PROSER2: variants seen among roughly 807,000 people sequenced by gnomAD.
The protein encoded by PROSER2 is proline and serine rich 2, also known as proline and serine-rich protein 2.
PROSER2 carries 18 observed loss-of-function variants against 14.6 expected under a neutral mutation model. That is an observed-to-expected ratio of 1.23 (90% CI 0.85 to 1.83). The LOEUF (loss-of-function observed/expected upper bound fraction) is 1.83. PROSER2 is among the 40% of genes most tolerant of loss of function. PROSER2 has a pLI of 0.00. For missense variants in PROSER2, 823 were observed against 629.8 expected (o/e 1.31, Z -3.28); for synonymous variants, 367 against 286.4 (o/e 1.28, Z -2.84).
At position 11,830,188 on chromosome 10, in the gene PROSER2, C is replaced by T. The variant is rs1441944590; in HGVS notation, c.-82+6718C>T. 2.0e-5 allele frequency among the ~76,000 whole-genome samples: 3 copies of T among 152,170 alleles called. No individual in the cohort carries two copies. Among genetic ancestry groups the T allele is most frequent in the Non-Finnish European group, 2.9e-5 (2 of 68,026 alleles). Reference sequence around the variant, plus strand: ...CTCCTCTCCCCACTCCATGGACCTTCCCACCTTTTGGAGTCTCCCGTGTCC... The same window carrying T: ...CTCCTCTCCCCACTCCATGGACCTTTCCACCTTTTGGAGTCTCCCGTGTCC... On this transcript the variant is annotated intron_variant, in intron 1 of 3. Coordinates refer to ENST00000277570, the MANE Select transcript of PROSER2 (RefSeq NM_153256.4). This position sits in a 1 kb window ranked among gnomAD's most constrained non-coding sequence, Gnocchi z 4.5.
intron 1 of PROSER2, among the ~76,000 whole-genome samples, chr10:11,834,331 G>A (rs1412390579): frequency 6.6e-6 from 1 of 151,742 alleles, no homozygotes; most frequent in Non-Finnish European, 1.5e-5. Flanking sequence ...TTCAAATTGT[G>A]GAAAGGAAGG....
In PROSER2 at chr10:11,869,535, C is replaced by T. The variant is rs200125865; in HGVS notation, c.437C>T (p.Thr146Ile). 14 of 1,613,778 alleles carry T rather than the reference C, an allele frequency of 8.7e-6. No individual in the cohort carries two copies. The African/African-American group carries it at 1.3e-4, about 15-fold the overall frequency. Residue 146 changes from threonine (T) to isoleucine (I), a missense_variant, in exon 4 of 4, where the codon ACT becomes ATT. Coordinates refer to ENST00000277570, the MANE Select transcript of PROSER2 (RefSeq NM_153256.4). This position sits in a 1 kb window ranked among gnomAD's most constrained non-coding sequence, Gnocchi z 4.4. ...GKEHRKQDAE[T>I]PPPPDPPAPE... The stretch of plus-strand genomic sequence containing the variant: ...GAGCACAGGAAACAAGATGCTGAGA[C>T]TCCTCCACCTCCAGACCCCCCGGCT...
At position 11,869,293 on chromosome 10, in the gene PROSER2, G is replaced by C. The variant is rs1374295117; in HGVS notation, c.392-197G>C. On this transcript the variant is annotated intron_variant, in intron 3 of 3. Transcript: ENST00000277570. This position sits in a 1 kb window ranked among gnomAD's most constrained non-coding sequence, Gnocchi z 4.4. ...GCTATCGTGATTGTCCCTTATCAGC[G>C]TGAGGTCATGAGCATGACATACCAC... 1.7e-6 allele frequency: 1 copy of C among 604,066 alleles called. No homozygotes were observed. Among genetic ancestry groups the C allele is most frequent in the Non-Finnish European group, 3.0e-6 (1 of 337,986 alleles). The allele number at this position is 604,066 out of a possible 1,614,324, so 37.4% of individuals were successfully genotyped here. A position where few individuals can be genotyped will look rare whatever the true frequency, so the allele number is the denominator to read the frequency against.
At position 11,865,296 on chromosome 10, in the gene PROSER2, TAA is replaced by T. The variant is rs1320709041; in HGVS notation, c.139-1234_139-1233del. ...GCTGTTAGTATTTTTTATTTATTTC[TAA>T]GTCTTCTTTTGTCCTGTAAAGAAAA... On this transcript the variant is annotated intron_variant, in intron 2 of 3. Transcript: ENST00000277570. The surrounding 1 kb of genome is among the most constrained non-coding windows in gnomAD (Gnocchi z 4.2). Among the ~76,000 whole-genome samples, 1 of 152,226 alleles carries T rather than the reference TAA, an allele frequency of 6.6e-6. No individual in the cohort carries two copies. Among genetic ancestry groups the T allele is most frequent in the Admixed American group, 6.5e-5 (1 of 15,294 alleles).
Position 11,856,964 on chromosome 10 carries a change from A to C in PROSER2, c.138+4749A>C, listed in dbSNP as rs1018531704. 6.6e-6 allele frequency among the ~76,000 whole-genome samples: 1 copy of C among 152,180 alleles called. No homozygotes were observed. The highest frequency in any genetic ancestry group is 6.5e-5 in the Admixed American group (1 of 15,280). On this transcript the variant is annotated intron_variant, in intron 2 of 3. Transcript: ENST00000277570. This position sits in a 1 kb window ranked among gnomAD's most constrained non-coding sequence, Gnocchi z 5.3. ...CCCCGCCCTTTCATGCTGCCTTCTC[A>C]CCCAGCTGGAATCCAAATGGTCCTG...
chr10:11,842,752 T>TC (rs1833862271), intron 1 of PROSER2, among the ~76,000 whole-genome samples: 1 of 152,118 alleles, frequency 6.6e-6, no homozygotes, highest in South Asian at 2.1e-4. Flanking sequence ...GGTCTTTTTT[T>TC]CCACAGACTT....
chr10:11,862,030 A>T lies in PROSER2; in HGVS notation c.139-4501A>T, dbSNP rs1254611854. ...GCGTCCAACACAGACTGACAGGCCC[A>T]GCGCCTGAGAGTTTCTAATGCGGCA... is the stretch of plus-strand genomic sequence containing the variant. On this transcript the variant is annotated intron_variant, in intron 2 of 3. Coordinates refer to ENST00000277570, the MANE Select transcript of PROSER2 (RefSeq NM_153256.4). The surrounding 1 kb of genome is among the most constrained non-coding windows in gnomAD (Gnocchi z 4.2). Among the ~76,000 whole-genome samples, 1 of 152,210 alleles carries T rather than the reference A, an allele frequency of 6.6e-6. No homozygotes were observed. The highest frequency in any genetic ancestry group is 6.5e-5 in the Admixed American group (1 of 15,284).
intron 2 of PROSER2, among the ~76,000 whole-genome samples, chr10:11,854,498 A>T (rs562022759): frequency 6.6e-6 from 1 of 152,198 alleles, no homozygotes; most frequent in South Asian, 2.1e-4. Flanking sequence ...TTTTGTAGAG[A>T]TGAGGTCTTG....
chr10:11,845,647 C>A (rs369815942), intron 1 of PROSER2, among the ~76,000 whole-genome samples: 4 of 152,100 alleles, frequency 2.6e-5, no homozygotes, highest in African/African-American at 9.7e-5. Context: ...CCTAGGCCCT[C>A]GGGGAAAGGG....
At chr10:11,848,157 G>A (rs992714240) in intron 1 of PROSER2, among the ~76,000 whole-genome samples, 1 of 151,396 alleles carries the variant, frequency 6.6e-6, no homozygotes. Flanking sequence ...GTTTTGTTTT[G>A]TTTTTGTTTG....
At chr10:11,848,529 T>C (rs190782091) in intron 1 of PROSER2, among the ~76,000 whole-genome samples, 1 of 152,288 alleles carries the variant, frequency 6.6e-6, no homozygotes, top group Non-Finnish European at 1.5e-5. Flanking sequence ...TTAGCCTCAC[T>C]GCTTTCAGGG....
intron 3 of PROSER2, among the ~76,000 whole-genome samples, chr10:11,868,880 G>A (rs2131097396): frequency 1.3e-5 from 2 of 152,198 alleles, no homozygotes; most frequent in East Asian, 3.9e-4. Flanking sequence ...TGAACTTCTG[G>A]CCTCAAGTGA....
At chr10:11,832,842 A>G (rs1833705914) in intron 1 of PROSER2, among the ~76,000 whole-genome samples, 1 of 151,412 alleles carries the variant, frequency 6.6e-6, no homozygotes. Flanking sequence ...AGATGGTTTT[A>G]GAGTTTTGTT....
intron 1 of PROSER2, among the ~76,000 whole-genome samples, chr10:11,841,337 C>T (rs1833843234): frequency 6.6e-6 from 1 of 152,054 alleles, no homozygotes; most frequent in Non-Finnish European, 1.5e-5. Context: ...CATTTTTCCC[C>T]TCAGTTCTGT....
intron 1 of PROSER2, among the ~76,000 whole-genome samples, chr10:11,839,217 T>G (rs910157521): frequency 1.3e-5 from 2 of 152,120 alleles, no homozygotes; most frequent in African/African-American, 2.4e-5. Flanking sequence ...CACATTACAC[T>G]GACATAAATC....
At position 11,870,339 on chromosome 10, in the gene PROSER2, G is replaced by A. The variant is rs1306771682; in HGVS notation, c.1241G>A (p.Arg414His). The change falls in exon 4 of 4, where the codon CGC becomes CAC. Residue 414 changes from arginine (R) to histidine (H), a missense_variant. Physicochemically the swap from Arg to His is conservative, Grantham distance 29. Coordinates refer to ENST00000277570, the MANE Select transcript of PROSER2 (RefSeq NM_153256.4). ...PQGITVQFAGRGSSEEARREA... is the reference protein window; with the variant it reads ...PQGITVQFAGHGSSEEARREA... ...GGCATCACCGTGCAGTTCGCGGGCC[G>A]CGGCTCCTCGGAGGAGGCGCGCAGG... is the stretch of plus-strand genomic sequence containing the variant. 6.0e-6 allele frequency: 9 copies of A among 1,506,424 alleles called. No homozygotes were observed. The highest frequency in any genetic ancestry group is 7.1e-6 in the Non-Finnish European group (8 of 1,130,520). The allele number at this position is 1,506,424 out of a possible 1,614,324, so 93.3% of individuals were successfully genotyped here.
Position 11,866,461 on chromosome 10 carries a change from T to C in PROSER2, c.139-70T>C. ...GGCTGTGGACCAATCCCAACTTTGC[T>C]TCAGCTTTTGTCTCTTTAGTGAAGC... On this transcript the variant is annotated intron_variant, in intron 2 of 3. Transcript: ENST00000277570. The surrounding 1 kb of genome is among the most constrained non-coding windows in gnomAD (Gnocchi z 6.0). 6.3e-7 allele frequency: 1 copy of C among 1,578,122 alleles called. No individual in the cohort carries two copies. Among genetic ancestry groups the C allele is most frequent in the South Asian group, 1.2e-5 (1 of 84,338 alleles).
At chr10:11,843,544 C>T (rs887554823) in intron 1 of PROSER2, among the ~76,000 whole-genome samples, 7 of 151,836 alleles carry the variant, frequency 4.6e-5, no homozygotes, top group African/African-American at 7.3e-5. Flanking sequence ...AAATTATAGG[C>T]GCGTGGTAGC....
Position 11,869,974 on chromosome 10 carries a change from C to T in PROSER2, c.876C>T (p.His292=), listed in dbSNP as rs1229840243. 3.0e-6 allele frequency: 4 copies of T among 1,314,150 alleles called. No individual in the cohort carries two copies. In the East Asian group the frequency reaches 9.5e-5, roughly 31 times the overall value. The allele number at this position is 1,314,150 out of a possible 1,614,324, so 81.4% of individuals were successfully genotyped here. ...AGGTGTTGGCCACCATCCACGGCCA[C>T]GCCGGCGCCTTCCCCGCCGCGGGGG... The part of the protein sequence containing the change: ...RAQVLATIHG[H]AGAFPAAGDA... Residue 292 remains histidine, a synonymous_variant, in exon 4 of 4, where the codon CAC becomes CAT. Coordinates refer to ENST00000277570, the MANE Select transcript of PROSER2 (RefSeq NM_153256.4). This position sits in a 1 kb window ranked among gnomAD's most constrained non-coding sequence, Gnocchi z 4.4.
Sources: gnomAD v4.1 joint callset for allele counts (sites outside exome capture counted in the v4.1 genomes callset) on GRCh38, gnomAD v4.1.1 for gene constraint, Gnocchi (gnomAD v3.1) non-coding constraint, MANE v1.5 for transcripts, NCBI Gene and HGNC (gene_info 2026-07-23, HGNC 2026-07-21) for gene names.